The following AKAP8 variants were observed in gnomAD, a reference collection of about 807,000 sequenced individuals.
The protein encoded by AKAP8 is A-kinase anchoring protein 8, also known as A-kinase anchor protein 8.
Under a neutral mutation model 67.5 loss-of-function variants are expected in AKAP8, and 24 were observed. That is an observed-to-expected ratio of 0.36 (90% CI 0.26 to 0.50). AKAP8 has a LOEUF of 0.50. Among genes scored for constraint, AKAP8 ranks in the 20% least tolerant of loss-of-function variants. The pLI is 0.97. For synonymous variants in AKAP8, 400 were observed against 371.1 expected (o/e 1.08, Z -0.90); for missense variants, 971 against 955.9 (o/e 1.02, Z -0.21).
chr19:15,362,083 C>T (rs779834114), intron 10 of AKAP8, 27 bp downstream of exon 10: 54 of 1,611,970 alleles, frequency 3.3e-5, no homozygotes, highest in East Asian at 1.3e-4. Context: ...GCAAGAGACG[C>T]GGTGACGGGG....
At position 15,373,217 on chromosome 19, in the gene AKAP8, G is replaced by A. The variant is rs1967193326; in HGVS notation, c.495C>T (p.Ser165=). The A allele has an allele frequency of 6.2e-7, 1 of 1,613,912 alleles. No individual in the cohort carries two copies. The highest frequency in any genetic ancestry group is 8.5e-7 in the Non-Finnish European group (1 of 1,180,018). ...EFDLGSDRNG[S]FGGQYSECRD... is the part of the protein sequence containing the mutation. Reference sequence around the variant, plus strand: ...GGCATTCACTGTACTGCCCCCCAAAGCTGCCATTGCGGTCGGACCCCAGGT... The same window carrying A: ...GGCATTCACTGTACTGCCCCCCAAAACTGCCATTGCGGTCGGACCCCAGGT... Residue 165 remains serine (S), a synonymous_variant, in exon 5 of 14, where the codon AGC becomes AGT. Transcript: ENST00000269701.
intron 7 of AKAP8, among the ~76,000 whole-genome samples, chr19:15,370,410 G>A (rs951200244): frequency 6.6e-6 from 1 of 151,988 alleles, no homozygotes; most frequent in African/African-American, 2.4e-5. Context: ...CAATCACCTT[G>A]CTAAAAAGCC....
rs1023829440 is a variant in AKAP8, at chr19:15,374,132, C to T, written c.92-67G>A. 1.7e-5 allele frequency: 26 copies of T among 1,500,622 alleles called. No individual in the cohort carries two copies. The African/African-American group carries it at 3.1e-4, about 18-fold the overall frequency. The allele number at this position is 1,500,622 out of a possible 1,614,324, so 93.0% of individuals were successfully genotyped here. On this transcript the variant is annotated intron_variant, in intron 3 of 13. Transcript: ENST00000269701. ...GAGGCCTGTCCATGGTGGACACAAC[C>T]GGGGAGGGGCACCCGCTGCCACGGA... is the stretch of plus-strand genomic sequence containing the variant.
In AKAP8 at chr19:15,374,000, A is replaced by G; in HGVS notation, c.157T>C (p.Tyr53His). 1 of 1,609,676 alleles carries G rather than the reference A, an allele frequency of 6.2e-7. No homozygotes were observed. Among genetic ancestry groups the G allele is most frequent in the Non-Finnish European group, 8.5e-7 (1 of 1,178,410 alleles). Residue 53 changes from tyrosine to histidine, a missense_variant, in exon 4 of 14, where the codon TAC becomes CAC. This residue lies in a region of AKAP8 where 763 missense variants were observed against 745.4 expected (regional missense o/e 1.02). Transcript: ENST00000269701. Reference protein sequence around the residue: ...TSVTTGATYSYGPASWEAAKA... With the variant: ...TSVTTGATYSHGPASWEAAKA... ...GCGGCCTCCCACGAGGCTGGGCCGT[A>G]GCTGTAGGTTGCGCCTGTGGTGACA...
chr19:15,366,888 C>G (rs1041560562), intron 9 of AKAP8, among the ~76,000 whole-genome samples: 2 of 151,134 alleles, frequency 1.3e-5, no homozygotes, highest in Non-Finnish European at 2.9e-5. Flanking sequence ...GGATTACAGG[C>G]GTGAGCCACT....
chr19:15,366,652 C>T (rs1376257749), intron 9 of AKAP8, among the ~76,000 whole-genome samples: 1 of 152,150 alleles, frequency 6.6e-6, no homozygotes, highest in African/African-American at 2.4e-5. Flanking sequence ...TCTTGTTGCC[C>T]AGGCTGGAAT....
In AKAP8 at chr19:15,353,469, C is replaced by T. The variant is rs1280030613; in HGVS notation, c.*1446G>A. The T allele has an allele frequency of 6.6e-6, 1 of 151,504 alleles. No homozygotes were observed. Among genetic ancestry groups the T allele is most frequent in the Non-Finnish European group, 1.5e-5 (1 of 67,910 alleles). 9.4% of individuals were successfully genotyped at this position (151,504 alleles called of 1,614,324 possible). On this transcript the variant is annotated 3_prime_UTR_variant, in exon 14 of 14. Coordinates refer to ENST00000269701, the MANE Select transcript of AKAP8 (RefSeq NM_005858.4). ...AGGCATGCTCACCCTGCGATTAAGA[C>T]GCATCTACACAACACAAACGGATGC...
Position 15,372,349 on chromosome 19 carries a change from T to C in AKAP8, c.862-2A>G. 1 of 1,614,066 alleles carries C rather than the reference T, an allele frequency of 6.2e-7. No individual in the cohort carries two copies. On this transcript the variant is annotated splice_acceptor_variant, in intron 5 of 13. Transcript: ENST00000269701. LOFTEE classifies it high-confidence loss of function. ...GCGGTCAAACCCTCTCCTCTTGGGC[T>C]ACAGACAACAAGCACACCCCATGAG...
At chr19:15,358,720 T>A (rs1291095394) in intron 13 of AKAP8, among the ~76,000 whole-genome samples, 2 of 152,126 alleles carry the variant, frequency 1.3e-5, no homozygotes. Context: ...AATCAGGATT[T>A]TTCATGGTAA....
At chr19:15,377,148 CA>C (rs1263977500) in intron 1 of AKAP8, 134 bp from the exon 2 acceptor site, 245 of 957,238 alleles carry the variant, frequency 2.6e-4, no homozygotes, top group Middle Eastern at 4.4e-4. Flanking sequence ...CCCACCCCAC[CA>C]AAAAAAAGCC....
Position 15,376,962 on chromosome 19 carries a change from C to T in AKAP8, c.58+14G>A. ...GGAAGCCCACGCCTCACCCGCAAAGCAGAGCCCACTTACCCTGGGTGTTGG... is the reference window on the plus strand; with the variant it reads ...GGAAGCCCACGCCTCACCCGCAAAGTAGAGCCCACTTACCCTGGGTGTTGG... On this transcript the variant is annotated intron_variant, in intron 2 of 13. Transcript: ENST00000269701. 6.2e-7 allele frequency: 1 copy of T among 1,611,384 alleles called. No individual in the cohort carries two copies. Among genetic ancestry groups the T allele is most frequent in the Non-Finnish European group, 8.5e-7 (1 of 1,178,932 alleles).
Position 15,373,098 on chromosome 19 carries a change from A to G in AKAP8, c.614T>C (p.Met205Thr), listed in dbSNP as rs1403417073. 6.8e-6 allele frequency: 11 copies of G among 1,612,222 alleles called. No homozygotes were observed. The highest frequency in any genetic ancestry group is 1.1e-5 in the South Asian group (1 of 91,008). The change falls in exon 5 of 14, where the codon ATG (methionine) becomes ACG (threonine). Residue 205 changes from methionine to threonine, a missense_variant. Around this residue, in one of 3 missense-constraint regions of AKAP8, gnomAD observed 763 missense variants for 745.4 expected, o/e 1.02. Coordinates refer to ENST00000269701, the MANE Select transcript of AKAP8 (RefSeq NM_005858.4). Reference sequence around the variant, plus strand: ...GGGGGGCACGAAGGGGTCGCTGCGCATGAAGGTGCCAGGGTTGCTCCGGTC... The same window carrying G: ...GGGGGGCACGAAGGGGTCGCTGCGCGTGAAGGTGCCAGGGTTGCTCCGGTC... ...FQDRSNPGTF[M>T]RSDPFVPPAA... is the part of the protein sequence containing the mutation.
chr19:15,370,077 A>G lies in AKAP8; in HGVS notation c.1072+69T>C. On this transcript the variant is annotated intron_variant, in intron 8 of 13. Transcript: ENST00000269701. Reference sequence around the variant, plus strand: ...CCATCCAGGCCCCTGGCTTGCTCAGAAGCTGGGCAGTAAGTGCGGGGCAGC... The same window carrying G: ...CCATCCAGGCCCCTGGCTTGCTCAGGAGCTGGGCAGTAAGTGCGGGGCAGC... The G allele has an allele frequency of 2.5e-6, 4 of 1,592,166 alleles. No homozygotes were observed. The Admixed American group carries it at 6.7e-5, about 27-fold the overall frequency.
chr19:15,378,092 G>A (rs79334578), intron 1 of AKAP8, among the ~76,000 whole-genome samples: 263 of 152,268 alleles, frequency 1.7e-3, no homozygotes, highest in African/African-American at 5.9e-3. Flanking sequence ...CCGATACACC[G>A]CAAGCACCCA....
chr19:15,361,845 T>G (rs775314685), intron 10 of AKAP8, 23 bp from the exon 11 acceptor site: 14 of 1,597,184 alleles, frequency 8.8e-6, no homozygotes, highest in Non-Finnish European at 1.2e-5. Context: ...GGAGAGGGCA[T>G]AAAGTAAAAT....
chr19:15,373,595 C>T, intron 4 of AKAP8, 191 bp downstream of exon 4: 1 of 930,590 alleles, frequency 1.1e-6, no homozygotes, highest in Middle Eastern at 3.4e-4. Context: ...CAACCACGCC[C>T]AAGCCCCGCC....
rs764113435 is a variant in AKAP8, at chr19:15,368,255, C to T, written c.1140G>A (p.Thr380=). 179 of 1,612,876 alleles carry T rather than the reference C, an allele frequency of 1.1e-4. No homozygotes were observed. Among genetic ancestry groups the T allele is most frequent in the Non-Finnish European group, 1.4e-4 (165 of 1,179,964 alleles). Residue 380 remains threonine (T), a synonymous_variant, in exon 9 of 14, where the codon ACG becomes ACA. Coordinates refer to ENST00000269701, the MANE Select transcript of AKAP8 (RefSeq NM_005858.4). The part of the protein sequence containing the change: ...RREKQRRRDR[T]RDRAADRIQF... ...CTCACCTGTCGGCTGCACGGTCCCGCGTCCTGTCTCTTCTCCTTTGCTTTT... is the reference window on the plus strand; with the variant it reads ...CTCACCTGTCGGCTGCACGGTCCCGTGTCCTGTCTCTTCTCCTTTGCTTTT...
At chr19:15,371,876 C>T in intron 7 of AKAP8, 76 bp downstream of exon 7, 2 of 1,506,814 alleles carry the variant, frequency 1.3e-6, no homozygotes, top group Non-Finnish European at 9.2e-7. Flanking sequence ...GCTGCTCCTG[C>T]CCCTTTGTGA....
chr19:15,372,837 T>C lies in AKAP8; in HGVS notation c.861+14A>G. The C allele has an allele frequency of 6.7e-7, 1 of 1,486,180 alleles. No homozygotes were observed. Among genetic ancestry groups the C allele is most frequent in the Non-Finnish European group, 8.9e-7 (1 of 1,119,660 alleles). 92.1% of individuals were successfully genotyped at this position (1,486,180 alleles called of 1,614,324 possible). ...GAAGCGAAGGCGGCCGGAAGGAACC[T>C]TGCGAGGGCTTACCCGATCCCGATC... On this transcript the variant is annotated intron_variant, in intron 5 of 13. Coordinates refer to ENST00000269701, the MANE Select transcript of AKAP8 (RefSeq NM_005858.4).
Sources: gnomAD v4.1 joint callset for allele counts (sites outside exome capture counted in the v4.1 genomes callset) on GRCh38, gnomAD v4.1.1 for gene constraint, gnomAD v4.1.1 regional missense constraint, MANE v1.5 for transcripts, NCBI Gene and HGNC (gene_info 2026-07-23, HGNC 2026-07-21) for gene names.